SLC23A2: variants seen among roughly 807,000 people sequenced by gnomAD.
SLC23A2 encodes the protein Na(+)/L-ascorbic acid transporter 2.
SLC23A2 carries 36 observed loss-of-function variants against 73.3 expected under a neutral mutation model. That is an observed-to-expected ratio of 0.49 (90% CI 0.38 to 0.65). SLC23A2 has a LOEUF of 0.65. SLC23A2 is among the 30% of genes least tolerant of loss of function. The pLI, the probability that SLC23A2 is intolerant of heterozygous loss-of-function variation, is 0.00. For synonymous variants in SLC23A2, 343 were observed against 327.3 expected (o/e 1.05, Z -0.52); for missense variants, 507 against 841.6 (o/e 0.60, Z 4.92).
intron 3 of SLC23A2, among the ~76,000 whole-genome samples, chr20:4,915,043 C>A (rs919378312): frequency 8.6e-5 from 13 of 151,614 alleles, no homozygotes; most frequent in South Asian, 2.1e-4. Context: ...AAATAAATAG[C>A]TAGCTGATGT....
At chr20:4,999,522 C>T (rs2088081955) in intron 1 of SLC23A2, among the ~76,000 whole-genome samples, 1 of 151,060 alleles carries the variant, frequency 6.6e-6, no homozygotes, top group Non-Finnish European at 1.5e-5. Context: ...TAGCCAGGTA[C>T]TGGTTTTTTT....
At chr20:5,006,399 T>C (rs551713604), upstream of SLC23A2, among the ~76,000 whole-genome samples, 21 of 151,834 alleles carry the variant, frequency 1.4e-4, no homozygotes, top group Non-Finnish European at 2.4e-4. Context: ...TGCCCAGTCA[T>C]ATTGAGCATA....
At chr20:4,867,625 TAAAAAAAAA>T (rs11476144) in intron 13 of SLC23A2, 136 bp downstream of exon 13, 3 of 296,186 alleles carry the variant, frequency 1.0e-5, no homozygotes, top group African/African-American at 6.2e-5. Flanking sequence ...TATAAACACT[TAAAAAAAAA>T]AAAAAAAAAA....
chr20:4,913,059 G>GT (rs1932214023), intron 3 of SLC23A2, 81 bp from the exon 4 acceptor site: 1 of 872,280 alleles, frequency 1.1e-6, no homozygotes, highest in Non-Finnish European at 1.9e-6. Context: ...AATTCTCCTG[G>GT]TGAGTGCATG....
chr20:4,937,053 TA>T (rs35904898), intron 2 of SLC23A2, among the ~76,000 whole-genome samples: 3,296 of 152,054 alleles, frequency 0.022, 82 homozygotes, highest in Non-Finnish European at 0.03. Flanking sequence ...GGACACGCCA[TA>T]AAAAGCCCAA....
At chr20:4,954,860 G>A (rs535709194) in intron 2 of SLC23A2, among the ~76,000 whole-genome samples, 3 of 152,226 alleles carry the variant, frequency 2.0e-5, no homozygotes, top group African/African-American at 7.2e-5. Flanking sequence ...TACATAACCT[G>A]AATGACACCC....
intron 2 of SLC23A2, among the ~76,000 whole-genome samples, chr20:4,942,292 T>G (rs1378821337): frequency 6.6e-6 from 1 of 151,676 alleles, no homozygotes; most frequent in Non-Finnish European, 1.5e-5. Context: ...CAAATTATAC[T>G]TGGTATCTAG....
chr20:4,876,776 T>C (rs1007025302), intron 9 of SLC23A2, among the ~76,000 whole-genome samples: 15 of 152,214 alleles, frequency 9.9e-5, no homozygotes, highest in African/African-American at 3.1e-4. Flanking sequence ...AACCATGTAA[T>C]ATCGTGGTCT....
At chr20:4,919,788 T>G (rs1932444331) in intron 3 of SLC23A2, among the ~76,000 whole-genome samples, 1 of 152,142 alleles carries the variant, frequency 6.6e-6, no homozygotes, top group South Asian at 2.1e-4. Flanking sequence ...TCCCATTCTT[T>G]CCAGGTGCTA....
Position 4,857,273 on chromosome 20 carries a change from G to C in SLC23A2, c.1721-69C>G. ...CAGCTCTACTGAAAATGAAACTGTC[G>C]TCAAACACATACACACACACACACA... is the stretch of plus-strand genomic sequence containing the variant. On this transcript the variant is annotated intron_variant, in intron 16 of 16. Transcript: ENST00000338244. This position sits in a 1 kb window ranked among gnomAD's most constrained non-coding sequence, Gnocchi z 4.0. 1 of 598,294 alleles carries C rather than the reference G, an allele frequency of 1.7e-6. No homozygotes were observed. Among genetic ancestry groups the C allele is most frequent in the Non-Finnish European group, 2.9e-6 (1 of 344,888 alleles). The allele number at this position is 598,294 out of a possible 1,614,324, so 37.1% of individuals were successfully genotyped here.
intron 4 of SLC23A2, among the ~76,000 whole-genome samples, chr20:4,905,817 G>A (rs1239323249): frequency 6.6e-6 from 1 of 152,214 alleles, no homozygotes; most frequent in Non-Finnish European, 1.5e-5. Flanking sequence ...ACTGTAGCAT[G>A]GATGCAGCCT....
chr20:4,978,303 A>G, intron 1 of SLC23A2, among the ~76,000 whole-genome samples: 1 of 152,236 alleles, frequency 6.6e-6, no homozygotes, highest in East Asian at 1.9e-4. Flanking sequence ...CGTGTGAACA[A>G]GCACTGTTGA....
At chr20:4,919,772 G>A (rs751011908) in intron 3 of SLC23A2, among the ~76,000 whole-genome samples, 8 of 152,080 alleles carry the variant, frequency 5.3e-5, no homozygotes, top group Non-Finnish European at 1.0e-4. Flanking sequence ...AAAACGGACC[G>A]TCCTCTCCCA....
At chr20:4,975,979 G>T (rs193090623) in intron 1 of SLC23A2, among the ~76,000 whole-genome samples, 2 of 150,198 alleles carry the variant, frequency 1.3e-5, no homozygotes, top group Non-Finnish European at 3.0e-5. Context: ...TCAGCCTCCC[G>T]AGTAGCTGGG....
rs1461832385 is a variant in SLC23A2 at position 4,859,295 on chromosome 20, T to C, written c.1714A>G (p.Ile572Val). 5 of 1,583,700 alleles carry C rather than the reference T, an allele frequency of 3.2e-6. No individual in the cohort carries two copies. Among genetic ancestry groups the C allele is most frequent in the African/African-American group, 1.4e-5 (1 of 72,516 alleles). ...TTTGATATATACCACGTACCTGGGA[T>C]GGTGTTATCCAGGATAAAAGCCACA... The part of the protein sequence containing the change: ...GCVAFILDNT[I>V]PGTPEERGIR... Residue 572 changes from isoleucine to valine, a missense_variant, in exon 16 of 17, where the codon ATC becomes GTC. By Grantham distance (29) the Ile-to-Val change is conservative (BLOSUM62 3). This residue lies in a region of SLC23A2 where 168 missense variants were observed against 302.3 expected (regional missense o/e 0.56). Coordinates refer to ENST00000338244, the MANE Select transcript of SLC23A2 (RefSeq NM_005116.6).
chr20:4,972,342 T>C (rs1274234742), intron 1 of SLC23A2, among the ~76,000 whole-genome samples: 1 of 152,024 alleles, frequency 6.6e-6, no homozygotes, highest in African/African-American at 2.4e-5. Flanking sequence ...CAAGGAACCA[T>C]TAATGAGTCT....
At chr20:4,916,385 C>T (rs1450414523) in intron 3 of SLC23A2, among the ~76,000 whole-genome samples, 7 of 152,196 alleles carry the variant, frequency 4.6e-5, no homozygotes, top group African/African-American at 7.2e-5. Flanking sequence ...GCATTTATCT[C>T]GGGTTGCTGC....
At chr20:4,982,006 C>T (rs2087734527) in intron 1 of SLC23A2, among the ~76,000 whole-genome samples, 2 of 147,098 alleles carry the variant, frequency 1.4e-5, no homozygotes, top group African/African-American at 5.0e-5. Flanking sequence ...CAGCCTCTTT[C>T]TTTTTTGAGA....
In SLC23A2 at chr20:4,951,115, ACT is replaced by A. The variant is rs202167995; in HGVS notation, c.-154-18401_-154-18400del. Among the ~76,000 whole-genome samples, 94 of 152,324 alleles carry A rather than the reference ACT, an allele frequency of 6.2e-4. 1 individual carries two copies. The East Asian group carries it at 0.013, about 20-fold the overall frequency. ...ACGGTATTCAGGACATGCTGTGAAG[ACT>A]CTAACATCAGAGAAGATTTGTTGCA... On this transcript the variant is annotated intron_variant, in intron 2 of 16. Coordinates refer to ENST00000338244, the MANE Select transcript of SLC23A2 (RefSeq NM_005116.6).
Sources: allele counts gnomAD v4.1 joint callset (sites outside exome capture counted in the v4.1 genomes callset), GRCh38; gene constraint gnomAD v4.1.1; regional missense constraint gnomAD v4.1.1; non-coding constraint Gnocchi (gnomAD v3.1); transcripts MANE v1.5; gene names NCBI Gene and HGNC (gene_info 2026-07-23, HGNC 2026-07-21).